Variants in SMOC1 observed in about 807,000 individuals in gnomAD.
SMOC1 encodes SPARC related modular calcium binding 1.
SMOC1 carries 22 observed loss-of-function variants against 56.3 expected under a neutral mutation model. The ratio of observed to expected loss-of-function variants is 0.39; its 90% CI spans 0.28 to 0.56. The LOEUF (loss-of-function observed/expected upper bound fraction) is 0.56. Among genes scored for constraint, SMOC1 ranks in the 20% least tolerant of loss-of-function variants. The probability of loss-of-function intolerance (pLI) is 0.61; values close to 1 mark genes in which losing one functional copy is unlikely to be tolerated. For missense variants in SMOC1, 509 were observed against 565.4 expected (o/e 0.90, Z 1.01); for synonymous variants, 193 against 215.0 (o/e 0.90, Z 0.89).
chr14:70,003,070 G>A (rs933966420), intron 7 of SMOC1, among the ~76,000 whole-genome samples: 3 of 152,174 alleles, frequency 2.0e-5, no homozygotes, highest in Admixed American at 6.5e-5. Context: ...GAATCCTGAG[G>A]CTGGAGCCAT....
chr14:69,902,651 C>G (rs149293484), intron 1 of SMOC1, among the ~76,000 whole-genome samples: 2 of 152,234 alleles, frequency 1.3e-5, no homozygotes, highest in Non-Finnish European at 2.9e-5. Flanking sequence ...TTTCCACGGT[C>G]TCCCTCTGAT....
At chr14:69,903,641 G>C (rs373522422) in intron 1 of SMOC1, among the ~76,000 whole-genome samples, 2 of 152,144 alleles carry the variant, frequency 1.3e-5, no homozygotes, top group Admixed American at 6.5e-5. Flanking sequence ...GCTGTGTCCA[G>C]TCAGGGTTAA....
In SMOC1 at chr14:69,952,272, C is replaced by T; in HGVS notation, c.234C>T (p.Thr78=). Residue 78 remains threonine, a synonymous_variant, in exon 2 of 12, where the codon ACC becomes ACT. Transcript: ENST00000361956. ...EYQRAKCRDP[T]LGVVHRGRCK... ...AGCGAGCCAAGTGCCGAGACCCGAC[C>T]CTGGGCGTGGTGCATCGAGGTAGAT... 6.2e-7 allele frequency: 1 copy of T among 1,614,194 alleles called. No individual in the cohort carries two copies. The highest frequency in any genetic ancestry group is 8.5e-7 in the Non-Finnish European group (1 of 1,180,038).
At chr14:69,999,919 G>A (rs776006315) in intron 7 of SMOC1, among the ~76,000 whole-genome samples, 1 of 152,288 alleles carries the variant, frequency 6.6e-6, no homozygotes, top group South Asian at 2.1e-4. Flanking sequence ...CTGGGATGAC[G>A]TGCTGCACCA....
chr14:69,879,545 C>A lies in SMOC1; in HGVS notation c.-134C>A. 1 of 597,330 alleles carries A rather than the reference C, an allele frequency of 1.7e-6. No individual in the cohort carries two copies. The highest frequency in any genetic ancestry group is 3.7e-5 in the South Asian group (1 of 27,108). 37.0% of individuals were successfully genotyped at this position (597,330 alleles called of 1,614,324 possible). A position where few individuals can be genotyped will look rare whatever the true frequency, so the allele number is the denominator to read the frequency against. On this transcript the variant is annotated 5_prime_UTR_variant, in exon 1 of 12. Transcript: ENST00000361956. ...GTCCCCTGACCGCAGCCTCTGCGAG[C>A]CCCCGCCGCAGGACCACGGCCCGCT...
At chr14:70,007,261 C>T (rs11845838) in intron 7 of SMOC1, among the ~76,000 whole-genome samples, 1,962 of 152,278 alleles carry the variant, frequency 0.013, 31 homozygotes, top group African/African-American at 0.046. Context: ...CCCTTAAAGG[C>T]TTGTAATGAG....
At chr14:69,997,322 G>A (rs1462149947) in intron 7 of SMOC1, among the ~76,000 whole-genome samples, 4 of 152,144 alleles carry the variant, frequency 2.6e-5, no homozygotes, top group African/African-American at 9.7e-5. Flanking sequence ...TCCCACAAAC[G>A]GGTTGCCAAA....
At chr14:69,929,786 G>A (rs185739555) in intron 1 of SMOC1, among the ~76,000 whole-genome samples, 30 of 152,298 alleles carry the variant, frequency 2.0e-4, no homozygotes, top group Admixed American at 1.3e-3. Flanking sequence ...CTTCTTACTG[G>A]TAATTGGGAG....
At chr14:69,881,612 ACT>A (rs990187995) in intron 1 of SMOC1, among the ~76,000 whole-genome samples, 1 of 151,676 alleles carries the variant, frequency 6.6e-6, no homozygotes, top group Non-Finnish European at 1.5e-5. Context: ...GCTGCTTCAC[ACT>A]CTCTCTCTCC....
chr14:69,912,073 G>A (rs1332477089), intron 1 of SMOC1, among the ~76,000 whole-genome samples: 1 of 152,102 alleles, frequency 6.6e-6, no homozygotes, highest in Non-Finnish European at 1.5e-5. Flanking sequence ...ATAGTATGTG[G>A]TATCTCATTA....
intron 1 of SMOC1, among the ~76,000 whole-genome samples, chr14:69,926,091 T>A (rs1007479506): frequency 2.0e-5 from 3 of 152,064 alleles, no homozygotes; most frequent in Admixed American, 2.0e-4. Context: ...GACTTGGTAT[T>A]ACCAAAATCC....
chr14:69,896,089 C>G (rs779284494), intron 1 of SMOC1, among the ~76,000 whole-genome samples: 2 of 152,112 alleles, frequency 1.3e-5, no homozygotes, highest in Non-Finnish European at 2.9e-5. Context: ...AGCAGTCTTC[C>G]TACTTCACCC....
rs112807267 is a variant in SMOC1, at chr14:69,889,249, A to C, written c.99+9472A>C. Among the ~76,000 whole-genome samples, 177 of 152,232 alleles carry C rather than the reference A, an allele frequency of 1.2e-3. 2 individuals carry two copies. Among genetic ancestry groups the C allele is most frequent in the African/African-American group, 4.1e-3 (171 of 41,528 alleles). On this transcript the variant is annotated intron_variant, in intron 1 of 11. Transcript: ENST00000361956. ...GACCTCAGCAGGGCTGAACCACTGTACTTCCTGATCTCTCCTTCCTTCCCC... is the reference window on the plus strand; with the variant it reads ...GACCTCAGCAGGGCTGAACCACTGTCCTTCCTGATCTCTCCTTCCTTCCCC...
intron 1 of SMOC1, among the ~76,000 whole-genome samples, chr14:69,934,105 A>G (rs145436795): frequency 4.8e-4 from 73 of 152,274 alleles, no homozygotes; most frequent in Non-Finnish European, 8.8e-4. Flanking sequence ...ATGTATCTTG[A>G]TCAAGGTCCA....
chr14:70,021,736 C>A (rs1885734082), intron 10 of SMOC1, among the ~76,000 whole-genome samples: 1 of 152,128 alleles, frequency 6.6e-6, no homozygotes, highest in African/African-American at 2.4e-5. Context: ...AATGGAACTT[C>A]TTTTTCCCTG....
At chr14:69,931,914 C>T (rs939172574) in intron 1 of SMOC1, among the ~76,000 whole-genome samples, 8 of 152,336 alleles carry the variant, frequency 5.3e-5, no homozygotes, top group South Asian at 4.1e-4. Context: ...CCTCCTGTGA[C>T]GCAGCTTGAG....
At chr14:70,013,188 G>A (rs370547103) in intron 9 of SMOC1, among the ~76,000 whole-genome samples, 198 bp from the exon 10 acceptor site, 1 of 152,284 alleles carries the variant, frequency 6.6e-6, no homozygotes, top group African/African-American at 2.4e-5. Context: ...GCATTATTTG[G>A]TCTGATGGTC....
Position 70,003,381 on chromosome 14 carries a change from T to C in SMOC1, c.665-7373T>C, listed in dbSNP as rs1471643259. 2.0e-5 allele frequency among the ~76,000 whole-genome samples: 3 copies of C among 152,310 alleles called. No individual in the cohort carries two copies. In the South Asian group the frequency reaches 6.2e-4, roughly 32 times the overall value. On this transcript the variant is annotated intron_variant, in intron 7 of 11. Coordinates refer to ENST00000361956, the MANE Select transcript of SMOC1 (RefSeq NM_001034852.3). ...TCCCCCAAGAAAATCCAGTGCTTGA[T>C]GGTCTGAGGGTTGAGTGTAGCATTT... is the stretch of plus-strand genomic sequence containing the variant.
intron 1 of SMOC1, among the ~76,000 whole-genome samples, chr14:69,887,080 T>G (rs1383317693): frequency 6.6e-6 from 1 of 152,078 alleles, no homozygotes; most frequent in Non-Finnish European, 1.5e-5. Flanking sequence ...GCCCAGATGC[T>G]CATCAGTGGG....
Sources: gnomAD v4.1 joint callset for allele counts (sites outside exome capture counted in the v4.1 genomes callset) on GRCh38, gnomAD v4.1.1 for gene constraint, MANE v1.5 for transcripts, NCBI Gene and HGNC (gene_info 2026-07-23, HGNC 2026-07-21) for gene names.